Variants in RNFT2 observed in about 807,000 individuals in gnomAD.
RNFT2 encodes the protein E3 ubiquitin-protein ligase RNFT2.
A neutral mutation model predicts 53.0 loss-of-function variants in RNFT2; 36 were observed. That is an observed-to-expected ratio of 0.68 (90% CI 0.52 to 0.90). The LOEUF (loss-of-function observed/expected upper bound fraction) is 0.90, where lower values mean the gene tolerates loss of function less well. Among genes scored for constraint, RNFT2 ranks in the 40% least tolerant of loss-of-function variants. The probability of loss-of-function intolerance (pLI) is 0.00; values close to 1 mark genes in which losing one functional copy is unlikely to be tolerated. For missense variants in RNFT2, 514 were observed against 585.6 expected (o/e 0.88, Z 1.26); for synonymous variants, 260 against 253.2 (o/e 1.03, Z -0.26).
intron 7 of RNFT2, among the ~76,000 whole-genome samples, chr12:116,827,530 A>G (rs1217808511): frequency 6.6e-6 from 1 of 152,222 alleles, no homozygotes; most frequent in East Asian, 1.9e-4. Flanking sequence ...CTAGATTCTG[A>G]TAGAACAGAC....
intron 7 of RNFT2, among the ~76,000 whole-genome samples, chr12:116,819,855 G>A (rs1341563062): frequency 2.0e-5 from 3 of 152,118 alleles, no homozygotes; most frequent in Non-Finnish European, 1.5e-5. Flanking sequence ...AAAGCTGTCC[G>A]ACAGAAATAT....
intron 6 of RNFT2, among the ~76,000 whole-genome samples, chr12:116,771,316 C>T (rs1429268688): frequency 1.3e-5 from 2 of 151,406 alleles, no homozygotes; most frequent in East Asian, 1.9e-4. Context: ...AAAAATTAGC[C>T]GGGCATGGTG....
chr12:116,794,066 G>C (rs1170818177), intron 7 of RNFT2, among the ~76,000 whole-genome samples: 1 of 152,002 alleles, frequency 6.6e-6, no homozygotes, highest in Non-Finnish European at 1.5e-5. Context: ...AGGAGTTCGA[G>C]ACCAGCCTGG....
chr12:116,774,942 G>A (rs1301872145), intron 6 of RNFT2, among the ~76,000 whole-genome samples: 1 of 151,822 alleles, frequency 6.6e-6, no homozygotes, highest in Non-Finnish European at 1.5e-5. Flanking sequence ...GAAAGAGAGA[G>A]AGAGAGAGAG....
At chr12:116,844,030 G>A (rs903417325) in intron 10 of RNFT2, among the ~76,000 whole-genome samples, 4 of 152,114 alleles carry the variant, frequency 2.6e-5, no homozygotes, top group Non-Finnish European at 4.4e-5. Flanking sequence ...GTGTGGCCAG[G>A]GTACCCCTGG....
intron 7 of RNFT2, among the ~76,000 whole-genome samples, chr12:116,789,960 G>GTAGATGGATGGA (rs1555261852): frequency 2.1e-5 from 3 of 146,172 alleles, no homozygotes; most frequent in Non-Finnish European, 4.5e-5. Flanking sequence ...GGATGGGTGG[G>GTAGATGGATGGA]TGGATGGATG....
At chr12:116,787,028 C>G (rs190774571) in intron 7 of RNFT2, among the ~76,000 whole-genome samples, 2 of 152,178 alleles carry the variant, frequency 1.3e-5, no homozygotes, top group African/African-American at 4.8e-5. Context: ...GGTAACCTCC[C>G]CATGCCGATA....
chr12:116,758,924 C>T (rs567805318), intron 5 of RNFT2, among the ~76,000 whole-genome samples: 4 of 152,276 alleles, frequency 2.6e-5, no homozygotes, highest in South Asian at 2.1e-4. Flanking sequence ...AGGCCGGGGA[C>T]GTTTTCCTCG....
At chr12:116,841,545 C>T (rs528948216) in intron 10 of RNFT2, among the ~76,000 whole-genome samples, 9 of 149,880 alleles carry the variant, frequency 6.0e-5, no homozygotes, top group African/African-American at 9.8e-5. Flanking sequence ...GTCAGGAGTT[C>T]GAGACCAGCC....
intron 4 of RNFT2, among the ~76,000 whole-genome samples, chr12:116,753,216 T>C (rs1349088067): frequency 7.0e-6 from 1 of 143,550 alleles, no homozygotes; most frequent in East Asian, 2.1e-4. Flanking sequence ...AGTGGTGTGA[T>C]CTCAATTCAC....
intron 8 of RNFT2, among the ~76,000 whole-genome samples, chr12:116,835,759 A>T (rs1876924245): frequency 6.6e-6 from 1 of 152,214 alleles, no homozygotes; most frequent in South Asian, 2.1e-4. Flanking sequence ...CCTAGGTAGC[A>T]GGGGAAACTC....
chr12:116,763,531 G>T (rs1358701125), intron 5 of RNFT2, among the ~76,000 whole-genome samples: 2 of 152,090 alleles, frequency 1.3e-5, no homozygotes, highest in African/African-American at 4.8e-5. Flanking sequence ...CACTTTGGGA[G>T]GCTGAGGTGG....
At chr12:116,776,869 A>C (rs1465475875) in intron 6 of RNFT2, among the ~76,000 whole-genome samples, 1 of 151,120 alleles carries the variant, frequency 6.6e-6, no homozygotes, top group Non-Finnish European at 1.5e-5. Context: ...TGCTGCAGGA[A>C]GGTGACTCCA....
intron 4 of RNFT2, among the ~76,000 whole-genome samples, chr12:116,752,276 G>A (rs920970965): frequency 3.3e-5 from 5 of 151,954 alleles, no homozygotes; most frequent in Non-Finnish European, 4.4e-5. Flanking sequence ...CTGCCAGCTC[G>A]CTCAGATTCC....
intron 7 of RNFT2, among the ~76,000 whole-genome samples, chr12:116,804,736 C>A (rs1445715557): frequency 6.6e-6 from 1 of 152,152 alleles, no homozygotes; most frequent in Non-Finnish European, 1.5e-5. Context: ...TTTGGGAGGC[C>A]ACAGTGGGCA....
chr12:116,753,932 C>T, intron 4 of RNFT2, 52 bp from the exon 5 acceptor site: 1 of 1,457,594 alleles, frequency 6.9e-7, no homozygotes, highest in Non-Finnish European at 9.6e-7. Flanking sequence ...AGCACCTGGG[C>T]TAGGCCTGAT....
At chr12:116,784,308 G>A (rs1231127243) in intron 7 of RNFT2, among the ~76,000 whole-genome samples, 1 of 152,200 alleles carries the variant, frequency 6.6e-6, no homozygotes, top group Admixed American at 6.5e-5. Flanking sequence ...CACGTGTCGT[G>A]TCCTCTTACA....
intron 7 of RNFT2, among the ~76,000 whole-genome samples, chr12:116,784,294 G>A (rs902608840): frequency 3.9e-5 from 6 of 152,206 alleles, no homozygotes; most frequent in Non-Finnish European, 5.9e-5. Flanking sequence ...GGCAGCATCC[G>A]CCGCACGTGT....
At chr12:116,824,535 TC>T (rs1876224145) in intron 7 of RNFT2, among the ~76,000 whole-genome samples, 1 of 152,104 alleles carries the variant, frequency 6.6e-6, no homozygotes, top group Non-Finnish European at 1.5e-5. Flanking sequence ...GGTGTGGGAT[TC>T]CCCCTCATGG....
Sources: allele counts gnomAD v4.1 joint callset (sites outside exome capture counted in the v4.1 genomes callset), GRCh38; gene constraint gnomAD v4.1.1; transcripts MANE v1.5; gene names NCBI Gene and HGNC (gene_info 2026-07-23, HGNC 2026-07-21).